LRCH1: variants seen among roughly 807,000 people sequenced by gnomAD.
LRCH1 encodes leucine-rich repeat and calponin homology domain-containing protein 1.
Under a neutral mutation model 94.9 loss-of-function variants are expected in LRCH1, and 23 were observed. The observed-to-expected ratio is 0.24, with a 90% confidence interval of 0.17 to 0.34. LRCH1 has a LOEUF of 0.34. Ranked by LOEUF, LRCH1 falls within the 10% of genes least tolerant of loss-of-function variation. LRCH1 has a pLI of 1.00. For synonymous variants in LRCH1, 364 were observed against 354.9 expected (o/e 1.03, Z -0.29); for missense variants, 790 against 945.9 (o/e 0.84, Z 2.16).
At chr13:46,693,858 C>A (rs557184770) in intron 8 of LRCH1, among the ~76,000 whole-genome samples, 2 of 152,266 alleles carry the variant, frequency 1.3e-5, no homozygotes, top group South Asian at 4.1e-4. Context: ...ATAAATAGTG[C>A]AGAACTGGAT....
At chr13:46,656,942 A>G (rs1384244865) in intron 2 of LRCH1, among the ~76,000 whole-genome samples, 3 of 152,204 alleles carry the variant, frequency 2.0e-5, no homozygotes, top group Admixed American at 2.0e-4. Flanking sequence ...TCCCATTATT[A>G]CATATCACCT....
intron 1 of LRCH1, among the ~76,000 whole-genome samples, chr13:46,631,114 A>G (rs1178924161): frequency 6.6e-6 from 1 of 152,200 alleles, no homozygotes; most frequent in Non-Finnish European, 1.5e-5. Context: ...GAAAACTGTA[A>G]TTTTGTTTGT....
chr13:46,572,091 G>T (rs987950644), intron 1 of LRCH1, among the ~76,000 whole-genome samples: 2 of 152,212 alleles, frequency 1.3e-5, no homozygotes, highest in Admixed American at 1.3e-4. Context: ...GTCGGATACA[G>T]CTGTCTTTCT....
chr13:46,553,187 G>A lies in LRCH1; in HGVS notation c.-210G>A, dbSNP rs1049296130. Reference sequence around the variant, plus strand: ...CCGCCGCCGCAGTCCTTAGCTTCCCGGGGACAGGAAACCTTCAAGACCGAG... The same window carrying A: ...CCGCCGCCGCAGTCCTTAGCTTCCCAGGGACAGGAAACCTTCAAGACCGAG... On this transcript the variant is annotated 5_prime_UTR_variant, in exon 1 of 20. Transcript: ENST00000389797. 3.5e-6 allele frequency: 2 copies of A among 568,190 alleles called. No individual in the cohort carries two copies. The highest frequency in any genetic ancestry group is 3.3e-5 in the East Asian group (1 of 30,278). The allele number at this position is 568,190 out of a possible 1,614,324, so 35.2% of individuals were successfully genotyped here. A position where few individuals can be genotyped will look rare whatever the true frequency, so the allele number is the denominator to read the frequency against.
At chr13:46,707,094 T>C (rs2138190866) in intron 13 of LRCH1, among the ~76,000 whole-genome samples, 1 of 152,360 alleles carries the variant, frequency 6.6e-6, no homozygotes, top group African/African-American at 2.4e-5. Flanking sequence ...TGAGTTAATC[T>C]AATGATGCTC....
chr13:46,698,845 T>C (rs1192395394), intron 9 of LRCH1, among the ~76,000 whole-genome samples: 1 of 152,272 alleles, frequency 6.6e-6, no homozygotes, highest in Admixed American at 6.5e-5. Context: ...ATTTTTTAAA[T>C]GTACATGTAG....
In LRCH1 at chr13:46,575,343, A is replaced by G. The variant is rs116039465; in HGVS notation, c.307+21640A>G. Among the ~76,000 whole-genome samples, 648 of 152,292 alleles carry G rather than the reference A, an allele frequency of 4.3e-3. 5 individuals are homozygous for G. The highest frequency in any genetic ancestry group is 0.014 in the African/African-American group (586 of 41,558). ...TATGACTTAGAGTCACAGAACCACA[A>G]GATGCGTGTGTGATTATCTAAATAA... On this transcript the variant is annotated intron_variant, in intron 1 of 19. Transcript: ENST00000389797.
chr13:46,611,774 TAAA>T (rs1227528585), intron 1 of LRCH1, among the ~76,000 whole-genome samples: 1 of 152,218 alleles, frequency 6.6e-6, no homozygotes, highest in Non-Finnish European at 1.5e-5. Context: ...TTAGGTTAAA[TAAA>T]ATGTACTATT....
intron 1 of LRCH1, among the ~76,000 whole-genome samples, chr13:46,618,212 T>C (rs1385582092): frequency 6.6e-6 from 1 of 152,186 alleles, no homozygotes; most frequent in African/African-American, 2.4e-5. Context: ...TACTGCATAC[T>C]GTAGGCAATT....
intron 1 of LRCH1, among the ~76,000 whole-genome samples, chr13:46,603,109 T>G (rs1448308965): frequency 1.3e-5 from 2 of 152,202 alleles, no homozygotes; most frequent in Non-Finnish European, 2.9e-5. Flanking sequence ...TTGTGCCTCT[T>G]GTGCTTTCTA....
chr13:46,614,279 C>T (rs577145761), intron 1 of LRCH1, among the ~76,000 whole-genome samples: 11 of 152,254 alleles, frequency 7.2e-5, no homozygotes, highest in Admixed American at 2.0e-4. Context: ...CTGCCCCTCC[C>T]GATTATGCCT....
rs377004974 is a variant in LRCH1 at position 46,721,357 on chromosome 13, A to G, written c.1760-1864A>G. 2.1e-3 allele frequency among the ~76,000 whole-genome samples: 318 copies of G among 152,322 alleles called. 1 individual carries two copies. Among genetic ancestry groups the G allele is most frequent in the African/African-American group, 7.3e-3 (304 of 41,562 alleles). Reference sequence around the variant, plus strand: ...GCGCCCCTTGCTGGCATATGTGTGTATTATCCAACTCTATCTGCATTTCTT... The same window carrying G: ...GCGCCCCTTGCTGGCATATGTGTGTGTTATCCAACTCTATCTGCATTTCTT... On this transcript the variant is annotated intron_variant, in intron 16 of 19. Coordinates refer to ENST00000389797, the MANE Select transcript of LRCH1 (RefSeq NM_001164211.2).
chr13:46,684,563 A>G (rs559360514), intron 4 of LRCH1, among the ~76,000 whole-genome samples: 2 of 152,248 alleles, frequency 1.3e-5, no homozygotes, highest in East Asian at 1.9e-4. Context: ...TTAATTAACC[A>G]TCTCGGAGAT....
chr13:46,679,485 G>A lies in LRCH1; in HGVS notation c.580-2256G>A, dbSNP rs79257202. ...AGGCAGGGCAATTTACTGACTCAGC[G>A]AGGGGCTGAGAGTGACTGAACACGA... On this transcript the variant is annotated intron_variant, in intron 3 of 19. Transcript: ENST00000389797. Among the ~76,000 whole-genome samples the A allele has an allele frequency of 8.9e-3, 1,355 of 152,318 alleles. 14 individuals carry two copies. The highest frequency in any genetic ancestry group is 0.03 in the African/African-American group (1,267 of 41,562).
intron 1 of LRCH1, among the ~76,000 whole-genome samples, chr13:46,593,881 G>GA (rs1483415019): frequency 6.6e-6 from 1 of 152,080 alleles, no homozygotes; most frequent in East Asian, 1.9e-4. Context: ...TGATATAGAA[G>GA]AAAAAATGAA....
Position 46,712,610 on chromosome 13 carries a change from C to T in LRCH1, c.1654+13C>T, listed in dbSNP as rs1243360621. 1 of 1,611,586 alleles carries T rather than the reference C, an allele frequency of 6.2e-7. No homozygotes were observed. Among genetic ancestry groups the T allele is most frequent in the Non-Finnish European group, 8.5e-7 (1 of 1,177,848 alleles). ...AAGCCTCGATCAGGTAAATGAAAAC[C>T]TCAGCCCATTCTTACACTAAATAAC... On this transcript the variant is annotated intron_variant, in intron 15 of 19. Transcript: ENST00000389797.
In LRCH1 at chr13:46,689,192, C is replaced by T; in HGVS notation, c.1010C>T (p.Thr337Ile). The T allele has an allele frequency of 3.1e-6, 5 of 1,610,796 alleles. No individual in the cohort carries two copies. The highest frequency in any genetic ancestry group is 4.2e-6 in the Non-Finnish European group (5 of 1,178,048). The change falls in exon 7 of 20, where the codon ACC becomes ATC. Residue 337 changes from threonine (T) to isoleucine (I), a missense_variant. Thr to Ile is a moderately conservative substitution (Grantham distance 89, BLOSUM62 -1). Transcript: ENST00000389797. The part of the protein sequence containing the change: ...SDNGDKRLSA[T>I]EPSDEDTVSL... ...AATGGAGATAAGCGATTATCTGCCA[C>T]CGAGGTAAAGTTAGTGATCAGATTC...
intron 1 of LRCH1, among the ~76,000 whole-genome samples, chr13:46,633,710 C>T (rs2051046101): frequency 6.6e-6 from 1 of 152,020 alleles, no homozygotes; most frequent in Non-Finnish European, 1.5e-5. Context: ...TCTTCCAAGC[C>T]CGCATTTTAG....
At chr13:46,684,498 A>C (rs143220901) in intron 4 of LRCH1, among the ~76,000 whole-genome samples, 2,343 of 152,290 alleles carry the variant, frequency 0.015, 69 homozygotes, top group African/African-American at 0.053. Flanking sequence ...GTGGCAAAGA[A>C]TTGCTAAAGA....
Sources: allele counts gnomAD v4.1 joint callset (sites outside exome capture counted in the v4.1 genomes callset), GRCh38; gene constraint gnomAD v4.1.1; transcripts MANE v1.5; gene names NCBI Gene and HGNC (gene_info 2026-07-23, HGNC 2026-07-21).